AOPEP: variants seen among roughly 807,000 people sequenced by gnomAD.
AOPEP encodes the protein aminopeptidase O.
AOPEP carries 77 observed loss-of-function variants against 98.1 expected under a neutral mutation model. That is an observed-to-expected ratio of 0.78 (90% CI 0.65 to 0.95). The LOEUF is 0.95. Ranked by LOEUF, AOPEP falls within the 40% of genes least tolerant of loss-of-function variation. AOPEP has a pLI of 0.00. For missense variants in AOPEP, 1,024 were observed against 1,024.7 expected, an observed-to-expected ratio of 1.00 and a Z score of 0.01; for synonymous variants, 346 against 365.3, an observed-to-expected ratio of 0.95 and a Z score of 0.60.
At chr9:95,136,560 C>G in the AOPEP span, among the ~76,000 whole-genome samples, 250 of 152,200 alleles carry the variant, frequency 1.6e-3, no homozygotes, top group African/African-American at 5.7e-3. Flanking sequence ...GATCAAAGTT[C>G]CCTGTAACCT....
intron 1 of AOPEP, among the ~76,000 whole-genome samples, chr9:94,734,177 C>T (rs568808892): frequency 2.0e-5 from 3 of 152,248 alleles, no homozygotes; most frequent in South Asian, 2.1e-4. Flanking sequence ...GCTGCAGCGC[C>T]GGGAACATGA....
At chr9:94,773,670 C>T (rs969484481) in intron 3 of AOPEP, among the ~76,000 whole-genome samples, 2 of 152,194 alleles carry the variant, frequency 1.3e-5, no homozygotes, top group South Asian at 2.1e-4. Flanking sequence ...AGATGGAAGG[C>T]AGTGCTAATG....
At chr9:94,828,502 T>C (rs1483320453) in intron 5 of AOPEP, among the ~76,000 whole-genome samples, 1 of 152,180 alleles carries the variant, frequency 6.6e-6, no homozygotes, top group East Asian at 1.9e-4. Context: ...ATGCCAGACA[T>C]TGTGCTGGAC....
chr9:95,090,405 G>A (rs987815225), downstream of AOPEP, among the ~76,000 whole-genome samples: 5 of 152,216 alleles, frequency 3.3e-5, no homozygotes, highest in East Asian at 1.9e-4. Context: ...AGGCCAGCAC[G>A]TTTTAAACCA....
At chr9:95,039,628 A>G (rs2065120837) in intron 13 of AOPEP, among the ~76,000 whole-genome samples, 2 of 152,144 alleles carry the variant, frequency 1.3e-5, no homozygotes, top group African/African-American at 4.8e-5. Flanking sequence ...CCTATAATTA[A>G]ATACATTTAA....
intron 9 of AOPEP, among the ~76,000 whole-genome samples, chr9:94,964,635 CT>C (rs1240777817): frequency 0.029 from 3,562 of 122,566 alleles, 49 homozygotes; most frequent in African/African-American, 0.1. Flanking sequence ...AGTACTTGGA[CT>C]TTTTTTTTTT....
intron 13 of AOPEP, chr9:95,022,164 A>G (rs1214384240): frequency 1.3e-5 from 2 of 152,208 alleles, no homozygotes. Context: ...GAGGAGGCAT[A>G]TTATAAACGT....
At chr9:94,825,403 G>A (rs970273477) in intron 5 of AOPEP, among the ~76,000 whole-genome samples, 13 of 152,184 alleles carry the variant, frequency 8.5e-5, no homozygotes, top group Admixed American at 3.9e-4. Flanking sequence ...AGCCAGTCCC[G>A]GAATTTCTTA....
chr9:94,764,681 TG>T (rs2132588651), intron 2 of AOPEP, among the ~76,000 whole-genome samples: 1 of 151,906 alleles, frequency 6.6e-6, no homozygotes, highest in African/African-American at 2.4e-5. Context: ...ATAAAAGTAA[TG>T]TAGTATCCTG....
At chr9:95,093,506 GCAAA>G in the AOPEP span, among the ~76,000 whole-genome samples, 1 of 152,248 alleles carries the variant, frequency 6.6e-6, no homozygotes, top group South Asian at 2.1e-4. Context: ...CTCTCTTAGA[GCAAA>G]CAAAGAGTCT....
chr9:94,763,866 C>T (rs1174845304), intron 2 of AOPEP, among the ~76,000 whole-genome samples: 2 of 152,094 alleles, frequency 1.3e-5, no homozygotes, highest in South Asian at 2.1e-4. Flanking sequence ...TGTGAATAAA[C>T]GATTGAATAA....
At chr9:94,926,643 G>A (rs898947151) in intron 6 of AOPEP, among the ~76,000 whole-genome samples, 1 of 152,200 alleles carries the variant, frequency 6.6e-6, no homozygotes, top group Non-Finnish European at 1.5e-5. Context: ...TGCCCTGTGG[G>A]GCAGGGGTGG....
intron 5 of AOPEP, among the ~76,000 whole-genome samples, chr9:94,878,144 AAAAGG>A (rs1389059667): frequency 6.6e-6 from 1 of 151,904 alleles, no homozygotes; most frequent in Admixed American, 6.6e-5. Flanking sequence ...TCCTGTAGGA[AAAAGG>A]AAAGTATTGG....
chr9:94,879,737 T>C (rs1447790491), intron 5 of AOPEP, among the ~76,000 whole-genome samples: 1 of 152,226 alleles, frequency 6.6e-6, no homozygotes, highest in East Asian at 1.9e-4. Flanking sequence ...CATCAGATGG[T>C]GGAAATATAC....
chr9:95,063,016 A>T (rs2067464731), intron 14 of AOPEP, among the ~76,000 whole-genome samples: 1 of 152,152 alleles, frequency 6.6e-6, no homozygotes, highest in East Asian at 1.9e-4. Flanking sequence ...GCGCTCCTTG[A>T]TGCTCCTTGG....
intron 10 of AOPEP, among the ~76,000 whole-genome samples, chr9:94,973,715 C>T (rs979682561): frequency 2.0e-5 from 3 of 152,234 alleles, no homozygotes; most frequent in African/African-American, 4.8e-5. Flanking sequence ...CTCACTAGTA[C>T]GGATACGCAG....
rs563165083 is a variant in AOPEP at position 94,922,016 on chromosome 9, G to T, written c.1365-1970G>T. The stretch of plus-strand genomic sequence containing the variant: ...GCCCAACAAGATGGACTGAGGCCGG[G>T]GTCGTGTCTCCAGAACATTGAAGGG... On this transcript the variant is annotated intron_variant, in intron 5 of 16. Coordinates refer to ENST00000375315, the MANE Select transcript of AOPEP (RefSeq NM_001193329.3). Among the ~76,000 whole-genome samples the T allele has an allele frequency of 2.0e-5, 3 of 152,200 alleles. No individual in the cohort carries two copies. In the East Asian group the frequency reaches 5.8e-4, roughly 29 times the overall value.
At chr9:95,079,441 C>T (rs1377532390) in intron 14 of AOPEP, among the ~76,000 whole-genome samples, 1 of 152,228 alleles carries the variant, frequency 6.6e-6, no homozygotes, top group African/African-American at 2.4e-5. Flanking sequence ...CTAAAATGCA[C>T]ATAATCACTT....
intron 13 of AOPEP, among the ~76,000 whole-genome samples, chr9:95,051,618 A>G (rs2066373264): frequency 1.3e-5 from 2 of 152,178 alleles, no homozygotes; most frequent in South Asian, 4.1e-4. Context: ...TGTTATAATT[A>G]AAGAGGCATT....
Sources: allele counts gnomAD v4.1 joint callset (sites outside exome capture counted in the v4.1 genomes callset), GRCh38; gene constraint gnomAD v4.1.1; transcripts MANE v1.5; gene names NCBI Gene and HGNC (gene_info 2026-07-23, HGNC 2026-07-21).